CCSER1: variants seen among roughly 807,000 people sequenced by gnomAD.
The protein encoded by CCSER1 is serine-rich coiled-coil domain-containing protein 1.
Under a neutral mutation model 82.0 loss-of-function variants are expected in CCSER1, and 41 were observed. The observed-to-expected ratio is 0.50, with a 90% confidence interval of 0.39 to 0.65. CCSER1 has a LOEUF of 0.65. CCSER1 is among the 30% of genes least tolerant of loss of function. CCSER1 has a pLI of 0.00. For missense variants in CCSER1, 1,119 were observed against 1,064.2 expected, an observed-to-expected ratio of 1.05 and a Z score of -0.72; for synonymous variants, 414 against 383.9, an observed-to-expected ratio of 1.08 and a Z score of -0.92.
chr4:91,579,960 T>C (rs2110309511), intron 10 of CCSER1, among the ~76,000 whole-genome samples: 1 of 152,002 alleles, frequency 6.6e-6, no homozygotes, highest in South Asian at 2.1e-4. Context: ...GCGTGATGCA[T>C]TCCAAGCTTC....
intron 9 of CCSER1, among the ~76,000 whole-genome samples, chr4:90,957,819 G>A (rs1261556858): frequency 2.0e-5 from 3 of 150,244 alleles, no homozygotes; most frequent in Non-Finnish European, 4.4e-5. Flanking sequence ...TAAATATTTA[G>A]GCAATACTCA....
chr4:90,706,993 A>G (rs1224609198), intron 6 of CCSER1, among the ~76,000 whole-genome samples: 1 of 152,172 alleles, frequency 6.6e-6, no homozygotes, highest in African/African-American at 2.4e-5. Flanking sequence ...ATTCCTCCTT[A>G]TAATTTCCTA....
intron 5 of CCSER1, among the ~76,000 whole-genome samples, chr4:90,560,700 T>C (rs754808322): frequency 1.8e-4 from 27 of 152,310 alleles, no homozygotes; most frequent in Admixed American, 1.3e-3. Context: ...TCTCATATAA[T>C]GTTAAGTTGT....
intron 10 of CCSER1, among the ~76,000 whole-genome samples, chr4:91,293,065 T>C (rs1374296557): frequency 6.6e-6 from 1 of 151,944 alleles, no homozygotes; most frequent in Non-Finnish European, 1.5e-5. Context: ...GATAAGCCTG[T>C]CTATAAAAAA....
intron 5 of CCSER1, among the ~76,000 whole-genome samples, chr4:90,470,032 G>C (rs750000158): frequency 1.1e-4 from 17 of 152,108 alleles, no homozygotes; most frequent in Non-Finnish European, 1.9e-4. Flanking sequence ...TCAGGTTTGG[G>C]ATCTTCAGTC....
At chr4:91,071,556 G>A (rs1297221378) in intron 9 of CCSER1, among the ~76,000 whole-genome samples, 1 of 152,152 alleles carries the variant, frequency 6.6e-6, no homozygotes, top group African/African-American at 2.4e-5. Context: ...TGGGTTTGGT[G>A]TATAGAGAGA....
chr4:90,422,283 A>G (rs991586511), intron 4 of CCSER1, among the ~76,000 whole-genome samples: 1 of 152,182 alleles, frequency 6.6e-6, no homozygotes, highest in African/African-American at 2.4e-5. Flanking sequence ...GCTCAATTCA[A>G]CAACGGAATA....
intron 3 of CCSER1, among the ~76,000 whole-genome samples, chr4:90,335,354 T>C (rs1561049874): frequency 6.6e-6 from 1 of 152,182 alleles, no homozygotes; most frequent in Non-Finnish European, 1.5e-5. Context: ...GATGACAGAC[T>C]AATTAATTAA....
At chr4:90,556,454 G>A (rs1778151346) in intron 5 of CCSER1, among the ~76,000 whole-genome samples, 1 of 152,062 alleles carries the variant, frequency 6.6e-6, no homozygotes. Flanking sequence ...ACAGTGTGGA[G>A]TGGCCGAACG....
At chr4:91,224,224 G>T (rs1045182512) in intron 10 of CCSER1, among the ~76,000 whole-genome samples, 3 of 152,028 alleles carry the variant, frequency 2.0e-5, no homozygotes, top group African/African-American at 4.8e-5. Context: ...ACTCGCATCG[G>T]TCTACCTTTA....
At chr4:91,090,313 A>G (rs1424330537) in intron 10 of CCSER1, among the ~76,000 whole-genome samples, 4 of 152,160 alleles carry the variant, frequency 2.6e-5, no homozygotes, top group Admixed American at 6.5e-5. Flanking sequence ...CATAGGCTCT[A>G]TGTCCACATA....
chr4:91,513,370 ATTG>A (rs1311683823), intron 10 of CCSER1, among the ~76,000 whole-genome samples: 1 of 152,030 alleles, frequency 6.6e-6, no homozygotes. Context: ...TTGCTAGTAT[ATTG>A]TTGAGAATTT....
chr4:90,860,230 G>A (rs1764918778), intron 8 of CCSER1, among the ~76,000 whole-genome samples: 1 of 151,514 alleles, frequency 6.6e-6, no homozygotes. Flanking sequence ...ATATATGAAT[G>A]TCCAATAAGC....
chr4:91,336,881 T>A (rs1397064476), intron 10 of CCSER1, among the ~76,000 whole-genome samples: 1 of 152,134 alleles, frequency 6.6e-6, no homozygotes, highest in Non-Finnish European at 1.5e-5. Flanking sequence ...TTAGGTAATA[T>A]GGTACTTTGT....
chr4:91,397,312 C>A lies in CCSER1; in HGVS notation c.2218-201260C>A, dbSNP rs79485166. 9.3e-3 allele frequency among the ~76,000 whole-genome samples: 1,420 copies of A among 152,000 alleles called. 14 individuals are homozygous for A. Among genetic ancestry groups the A allele is most frequent in the African/African-American group, 0.03 (1,237 of 41,508 alleles). On this transcript the variant is annotated intron_variant, in intron 10 of 10. Coordinates refer to ENST00000509176, the MANE Select transcript of CCSER1 (RefSeq NM_001145065.2). ...GGGTAAGACAGATATAAGAAACAAA[C>A]CATTTTGTATAAGGATACATTCCAT...
intron 6 of CCSER1, chr4:90,641,831 C>A: frequency 1.0e-5 from 2 of 199,748 alleles, no homozygotes; most frequent in Admixed American, 5.1e-5. Context: ...ACAATAATGC[C>A]ACCTTCATTG....
chr4:90,478,595 C>G (rs973813714), intron 5 of CCSER1, among the ~76,000 whole-genome samples: 1 of 152,014 alleles, frequency 6.6e-6, no homozygotes, highest in Non-Finnish European at 1.5e-5. Context: ...AAACACGTAT[C>G]CATTTAATCT....
intron 9 of CCSER1, among the ~76,000 whole-genome samples, chr4:90,942,447 T>G (rs2150331448): frequency 6.6e-6 from 1 of 152,330 alleles, no homozygotes; most frequent in South Asian, 2.1e-4. Context: ...TTTTTAAAAT[T>G]ATTTTTCTAT....
At chr4:90,749,841 G>C (rs1748270289) in intron 7 of CCSER1, among the ~76,000 whole-genome samples, 1 of 151,638 alleles carries the variant, frequency 6.6e-6, no homozygotes, top group Non-Finnish European at 1.5e-5. Context: ...GGTATTTCTA[G>C]TTCTAGATCC....
Sources: allele counts gnomAD v4.1 joint callset (sites outside exome capture counted in the v4.1 genomes callset), GRCh38; gene constraint gnomAD v4.1.1; transcripts MANE v1.5; gene names NCBI Gene and HGNC (gene_info 2026-07-23, HGNC 2026-07-21).